Variants in PHIP observed in about 807,000 individuals in gnomAD.
PHIP encodes the protein PH-interacting protein.
PHIP carries 54 observed loss-of-function variants against 236.8 expected under a neutral mutation model. The ratio of observed to expected loss-of-function variants is 0.23; its 90% confidence interval spans 0.18 to 0.29. The LOEUF (loss-of-function observed/expected upper bound fraction) is 0.29. Among genes scored for constraint, PHIP ranks in the 10% least tolerant of loss-of-function variants. PHIP has a pLI of 1.00. For synonymous variants in PHIP, 756 were observed against 718.9 expected (o/e 1.05, Z -0.83); for missense variants, 1,370 against 2,190.8 (o/e 0.63, Z 7.48).
At chr6:79,011,601 A>T (rs947643714) in intron 15 of PHIP, among the ~76,000 whole-genome samples, 2 of 151,730 alleles carry the variant, frequency 1.3e-5, no homozygotes, top group African/African-American at 4.8e-5. Flanking sequence ...TAAGTAACAA[A>T]AACAAACCCA....
chr6:78,955,571 T>C lies in PHIP; in HGVS notation c.3852+42A>G, dbSNP rs202016731. 4.2e-4 allele frequency: 286 copies of C among 684,900 alleles called. No individual in the cohort carries two copies. In the African/African-American group the frequency reaches 4.8e-3, roughly 11 times the overall value. 42.4% of individuals were successfully genotyped at this position (684,900 alleles called of 1,614,324 possible). ...ACTACAATATGTAAATTTTTTTATA[T>C]AGAGAATATCAATATGGTAATAATA... On this transcript the variant is annotated intron_variant, in intron 33 of 39. Transcript: ENST00000275034.
chr6:79,051,129 A>T (rs1772772681), intron 6 of PHIP, among the ~76,000 whole-genome samples: 1 of 152,186 alleles, frequency 6.6e-6, no homozygotes, highest in Non-Finnish European at 1.5e-5. Context: ...GGAAGTAATG[A>T]CAACCAAATA....
chr6:78,980,631 A>G (rs1192050656), intron 23 of PHIP, among the ~76,000 whole-genome samples: 5 of 152,000 alleles, frequency 3.3e-5, no homozygotes, highest in Non-Finnish European at 5.9e-5. Context: ...AATGATATCC[A>G]AACAGTAATT....
chr6:79,012,348 G>C, intron 15 of PHIP, among the ~76,000 whole-genome samples: 1 of 151,644 alleles, frequency 6.6e-6, no homozygotes, highest in East Asian at 1.9e-4. Context: ...CTAGCTGTAG[G>C]TGGAATGGTG....
chr6:79,020,230 C>T (rs566184945), intron 9 of PHIP, among the ~76,000 whole-genome samples: 1 of 151,934 alleles, frequency 6.6e-6, no homozygotes, highest in South Asian at 2.1e-4. Flanking sequence ...TTGCACCAAC[C>T]TAATATATAT....
At chr6:79,036,813 C>T (rs1424125054) in intron 7 of PHIP, among the ~76,000 whole-genome samples, 1 of 145,044 alleles carries the variant, frequency 6.9e-6, no homozygotes, top group African/African-American at 2.5e-5. Flanking sequence ...GCCAGCTACT[C>T]GGGAGGCTGA....
intron 32 of PHIP, chr6:78,956,582 G>A (rs552579108): frequency 1.3e-5 from 2 of 152,138 alleles, no homozygotes; most frequent in South Asian, 4.1e-4. Context: ...AGCCACCCAC[G>A]ATGTGGCCCC....
chr6:79,061,510 T>C (rs962340723), intron 4 of PHIP, among the ~76,000 whole-genome samples: 2 of 152,168 alleles, frequency 1.3e-5, no homozygotes, highest in Non-Finnish European at 2.9e-5. Context: ...AAATGTCTCC[T>C]CTATTAAGCC....
Position 78,937,741 on chromosome 6 carries a change from G to A in PHIP, c.*2952C>T, listed in dbSNP as rs933107507. 3 of 151,614 alleles carry A rather than the reference G, an allele frequency of 2.0e-5. No homozygotes were observed. The highest frequency in any genetic ancestry group is 4.4e-5 in the Non-Finnish European group (3 of 67,636). 9.4% of individuals were successfully genotyped at this position (151,614 alleles called of 1,614,324 possible). A position where few individuals can be genotyped will look rare whatever the true frequency, so the allele number is the denominator to read the frequency against. On this transcript the variant is annotated 3_prime_UTR_variant, in exon 40 of 40. Transcript: ENST00000275034. ...CAATGCCACTATAGCAGGTCACAAA[G>A]GATAAAATTTTAAAAAGCTATGTAT...
intron 19 of PHIP, among the ~76,000 whole-genome samples, chr6:78,995,804 G>A (rs77168635): frequency 0.011 from 1,601 of 152,240 alleles, 28 homozygotes; most frequent in African/African-American, 0.036. Context: ...TTAATTAATG[G>A]ATGAGGCTGA....
At chr6:79,010,504 A>AT (rs1770523354) in intron 15 of PHIP, among the ~76,000 whole-genome samples, 2 of 111,148 alleles carry the variant, frequency 1.8e-5, no homozygotes, top group South Asian at 7.7e-4. Context: ...CCATGAAACA[A>AT]CAAAGTAAAG....
At chr6:79,076,449 C>G (rs962023457) in intron 4 of PHIP, among the ~76,000 whole-genome samples, 2 of 152,116 alleles carry the variant, frequency 1.3e-5, no homozygotes, top group Non-Finnish European at 2.9e-5. Flanking sequence ...ATTCACACAA[C>G]GAACCTGTAT....
chr6:78,951,922 G>C (rs1774182212), intron 35 of PHIP, among the ~76,000 whole-genome samples: 1 of 152,158 alleles, frequency 6.6e-6, no homozygotes, highest in Admixed American at 6.5e-5. Flanking sequence ...ATAAATCTTA[G>C]AGTGATGAGT....
At position 78,935,469 on chromosome 6, in the gene PHIP, C is replaced by T. The variant is rs1025821152; in HGVS notation, c.*5224G>A. The T allele has an allele frequency of 6.2e-5, 60 of 974,242 alleles. No homozygotes were observed. The highest frequency in any genetic ancestry group is 2.1e-4 in the African/African-American group (12 of 56,932). 60.3% of individuals were successfully genotyped at this position (974,242 alleles called of 1,614,324 possible). ...CATTCCTTTTTTCCCAGAAATTGCA[C>T]ATTTTTGAGAAAATATTTATGCAAA... On this transcript the variant is annotated 3_prime_UTR_variant, in exon 40 of 40. Coordinates refer to ENST00000275034, the MANE Select transcript of PHIP (RefSeq NM_017934.7).
intron 24 of PHIP, among the ~76,000 whole-genome samples, chr6:78,975,223 G>A (rs370237154): frequency 0.094 from 14,196 of 151,450 alleles, 769 homozygotes; most frequent in Middle Eastern, 0.14. Flanking sequence ...TTCAATATAC[G>A]CAAATCAATA....
chr6:78,987,559 A>G (rs546358990), intron 21 of PHIP, among the ~76,000 whole-genome samples: 2 of 152,142 alleles, frequency 1.3e-5, no homozygotes, highest in Non-Finnish European at 2.9e-5. Context: ...ATAGTAGTCA[A>G]TATCTAAAAT....
At chr6:78,997,996 G>T (rs1249779111) in intron 18 of PHIP, among the ~76,000 whole-genome samples, 1 of 152,072 alleles carries the variant, frequency 6.6e-6, no homozygotes, top group African/African-American at 2.4e-5. Context: ...TCAAGAATGT[G>T]GCTTTGACTA....
intron 35 of PHIP, among the ~76,000 whole-genome samples, chr6:78,952,470 G>A (rs1766107644): frequency 6.7e-6 from 1 of 149,980 alleles, no homozygotes; most frequent in Non-Finnish European, 1.5e-5. Context: ...AAAATTCTTG[G>A]CCATTAGCTC....
chr6:79,054,729 GA>G lies in PHIP; in HGVS notation c.439+5748del, dbSNP rs536990351. Among the ~76,000 whole-genome samples the G allele has an allele frequency of 6.4e-4, 95 of 149,420 alleles. 1 individual carries two copies. The South Asian group carries it at 8.2e-3, about 13-fold the overall frequency. ...GAAAAATATAAACCTAAGAGTCTAA[GA>G]AAAAAAAACCTTGATTGAATAAATT... On this transcript the variant is annotated intron_variant, in intron 6 of 39. Transcript: ENST00000275034.
Sources: allele counts gnomAD v4.1 joint callset (sites outside exome capture counted in the v4.1 genomes callset), GRCh38; gene constraint gnomAD v4.1.1; transcripts MANE v1.5; gene names NCBI Gene and HGNC (gene_info 2026-07-23, HGNC 2026-07-21).